Variants in WDTC1 observed in about 807,000 individuals in gnomAD.
WDTC1 encodes the protein WD and tetratricopeptide repeats protein 1.
A neutral mutation model predicts 76.0 loss-of-function variants in WDTC1; 12 were observed. That is an observed-to-expected ratio of 0.16 (90% CI 0.10 to 0.26). The LOEUF (loss-of-function observed/expected upper bound fraction) is 0.26, where lower values mean the gene tolerates loss of function less well. WDTC1 is among the 10% of genes least tolerant of loss of function. WDTC1 has a pLI of 1.00. For synonymous variants in WDTC1, 326 were observed against 350.8 expected (o/e 0.93, Z 0.79); for missense variants, 511 against 908.8 (o/e 0.56, Z 5.63).
Position 27,260,995 on chromosome 1 carries a change from A to T in WDTC1, c.-60A>T, listed in dbSNP as rs2012460631. ...ATTTTGTGGACCTGGGCTTGGCTGGAATGCTCAGGGGTCCTGAAGATCCTA... is the reference window on the plus strand; with the variant it reads ...ATTTTGTGGACCTGGGCTTGGCTGGTATGCTCAGGGGTCCTGAAGATCCTA... On this transcript the variant is annotated 5_prime_UTR_variant, in exon 2 of 16. Coordinates refer to ENST00000319394, the MANE Select transcript of WDTC1 (RefSeq NM_001276252.2). 1 of 1,581,160 alleles carries T rather than the reference A, an allele frequency of 6.3e-7. No homozygotes were observed. Among genetic ancestry groups the T allele is most frequent in the Non-Finnish European group, 8.6e-7 (1 of 1,156,824 alleles).
chr1:27,296,950 GA>G (rs2013708853), intron 10 of WDTC1, 97 bp from the exon 11 acceptor site: 2 of 1,050,764 alleles, frequency 1.9e-6, no homozygotes, highest in Non-Finnish European at 2.9e-6. Flanking sequence ...TCCCACGATG[GA>G]ACCATCAGAC....
At position 27,305,922 on chromosome 1, in the gene WDTC1, C is replaced by T. The variant is rs570584145; in HGVS notation, c.1837-264C>T. On this transcript the variant is annotated intron_variant, in intron 15 of 15. Transcript: ENST00000319394. This position sits in a 1 kb window ranked among gnomAD's most constrained non-coding sequence, Gnocchi z 4.6. ...TCCAACATATCCTGGTGTGTACTGT[C>T]CCCCACGTATATCCCAGCATGTTAT... 2.0e-4 allele frequency among the ~76,000 whole-genome samples: 31 copies of T among 152,136 alleles called. No individual in the cohort carries two copies. The highest frequency in any genetic ancestry group is 7.5e-4 in the African/African-American group (31 of 41,502).
At chr1:27,299,825 G>A (rs1208582963) in intron 12 of WDTC1, among the ~76,000 whole-genome samples, 1 of 152,084 alleles carries the variant, frequency 6.6e-6, no homozygotes, top group African/African-American at 2.4e-5. Context: ...GGGCCAGCCT[G>A]CTCTCTACCC....
At chr1:27,304,970 C>G in intron 14 of WDTC1, 31 bp from the exon 15 acceptor site, 4 of 1,594,908 alleles carry the variant, frequency 2.5e-6, no homozygotes, top group Non-Finnish European at 3.4e-6. Flanking sequence ...AGTACCCCAC[C>G]TGACCTCCCT....
Position 27,303,947 on chromosome 1 carries a change from A to AAAAGTCATCCATTCTCTCTTT in WDTC1, c.1643+152_1643+153insAAAGTCATCCATTCTCTCTTT. The AAAAGTCATCCATTCTCTCTTT allele has an allele frequency of 9.5e-7, 1 of 1,053,404 alleles. No individual in the cohort carries two copies. The allele number at this position is 1,053,404 out of a possible 1,614,324, so 65.3% of individuals were successfully genotyped here. Reference sequence around the variant, plus strand: ...TGGCTTCACCTTTGTCAGCCTCTAAAGTTTTTTAATCTATGAAATGACCAA... The same window carrying AAAAGTCATCCATTCTCTCTTT: ...TGGCTTCACCTTTGTCAGCCTCTAAAAAAGTCATCCATTCTCTCTTTGTTTTTTAATCTATGAAATGACCAA... On this transcript the variant is annotated intron_variant, in intron 14 of 15. Coordinates refer to ENST00000319394, the MANE Select transcript of WDTC1 (RefSeq NM_001276252.2). The surrounding 1 kb of genome is among the most constrained non-coding windows in gnomAD (Gnocchi z 4.8).
Position 27,263,217 on chromosome 1 carries a change from C to G in WDTC1, c.114C>G (p.Gly38=), listed in dbSNP as rs368577351. 7 of 1,613,246 alleles carry G rather than the reference C, an allele frequency of 4.3e-6. No individual in the cohort carries two copies. The East Asian group carries it at 1.3e-4, about 31-fold the overall frequency. ...HVTDPFIRRL[G]LEAELQGHSG... ...CTGACCCCTTTATCCGGCGGCTGGG[C>G]CTGGAAGCAGAGCTGCAGGTAAGAG... The change falls in exon 3 of 16, where the codon GGC becomes GGG. Residue 38 remains glycine (G), a synonymous_variant. Transcript: ENST00000319394.
rs186786480 is a variant in WDTC1, at chr1:27,279,252, G to T, written c.133-2987G>T. ...AATAATTGTTAAAAGATTGAATTAA[G>T]GCCGGACACAGTGGCTCACGCATGT... is the stretch of plus-strand genomic sequence containing the variant. On this transcript the variant is annotated intron_variant, in intron 3 of 15. Transcript: ENST00000319394. Among the ~76,000 whole-genome samples, 3 of 152,150 alleles carry T rather than the reference G, an allele frequency of 2.0e-5. 1 individual carries two copies. Among genetic ancestry groups the T allele is most frequent in the South Asian group, 4.2e-4 (2 of 4,816 alleles).
intron 1 of WDTC1, among the ~76,000 whole-genome samples, chr1:27,250,700 G>A (rs1031017628): frequency 6.6e-6 from 1 of 151,950 alleles, no homozygotes; most frequent in Non-Finnish European, 1.5e-5. Context: ...TGAAAGGAGT[G>A]GTTCTTCATA....
chr1:27,238,632 C>G (rs535117244), intron 1 of WDTC1, among the ~76,000 whole-genome samples: 10 of 152,098 alleles, frequency 6.6e-5, no homozygotes, highest in African/African-American at 2.2e-4. Flanking sequence ...GTGGCATGAT[C>G]TCGGCTCACT....
chr1:27,273,820 C>CGTGTGT (rs138243935), intron 3 of WDTC1, among the ~76,000 whole-genome samples: 34 of 148,124 alleles, frequency 2.3e-4, no homozygotes, highest in African/African-American at 6.2e-4. Context: ...GTACTTTACA[C>CGTGTGT]GTGTGTGTGT....
chr1:27,242,491 C>A (rs1049683537), intron 1 of WDTC1, among the ~76,000 whole-genome samples: 1 of 150,984 alleles, frequency 6.6e-6, no homozygotes, highest in Admixed American at 6.6e-5. Context: ...GAGACGGAGA[C>A]GGAGTTTCGC....
At chr1:27,260,893 A>G in intron 1 of WDTC1, 63 bp from the exon 2 acceptor site, 1 of 768,100 alleles carries the variant, frequency 1.3e-6, no homozygotes, top group East Asian at 2.7e-5. Context: ...TTAGGGGTGG[A>G]ATTAGGTCTT....
chr1:27,257,020 G>T (rs889037931), intron 1 of WDTC1, among the ~76,000 whole-genome samples: 1 of 151,834 alleles, frequency 6.6e-6, no homozygotes, highest in Non-Finnish European at 1.5e-5. Context: ...CTGCCACCAC[G>T]CCCGGCTAAT....
chr1:27,285,841 G>A lies in WDTC1; in HGVS notation c.292-1833G>A, dbSNP rs562117483. On this transcript the variant is annotated intron_variant, in intron 5 of 15. Coordinates refer to ENST00000319394, the MANE Select transcript of WDTC1 (RefSeq NM_001276252.2). The stretch of plus-strand genomic sequence containing the variant: ...GACCTCAGGTGATCCACCTGCCTCC[G>A]CCTCCCAAAGTGCTGGGATTACAGG... Among the ~76,000 whole-genome samples, 128 of 151,878 alleles carry A rather than the reference G, an allele frequency of 8.4e-4. 2 individuals carry two copies. The South Asian group carries it at 0.012, about 14-fold the overall frequency.
chr1:27,245,343 GC>G (rs1462681388), intron 1 of WDTC1, among the ~76,000 whole-genome samples: 6 of 151,742 alleles, frequency 4.0e-5, no homozygotes, highest in Admixed American at 3.9e-4. Context: ...ATTTATTGGT[GC>G]CTGCTAAGCT....
chr1:27,252,430 C>T (rs2012100554), intron 1 of WDTC1, among the ~76,000 whole-genome samples: 1 of 152,106 alleles, frequency 6.6e-6, no homozygotes, highest in Non-Finnish European at 1.5e-5. Context: ...ATTCTGCAGA[C>T]AAATGAGCCA....
At chr1:27,247,452 A>G (rs2011880692) in intron 1 of WDTC1, among the ~76,000 whole-genome samples, 1 of 151,888 alleles carries the variant, frequency 6.6e-6, no homozygotes, top group Non-Finnish European at 1.5e-5. Flanking sequence ...CTCAATAGTT[A>G]TTTTTTCTGA....
At chr1:27,283,534 T>C in intron 5 of WDTC1, 85 bp downstream of exon 5, 2 of 1,249,106 alleles carry the variant, frequency 1.6e-6, no homozygotes, top group Non-Finnish European at 2.3e-6. Flanking sequence ...TGTTGGTATG[T>C]GTGTGTCCCA....
Position 27,306,361 on chromosome 1 carries a change from A to G in WDTC1, c.2012A>G (p.Gln671Arg). The G allele has an allele frequency of 6.2e-7, 1 of 1,613,126 alleles. No homozygotes were observed. Among genetic ancestry groups the G allele is most frequent in the South Asian group, 1.1e-5 (1 of 91,076 alleles). Residue 671 changes from glutamine to arginine, a missense_variant, in exon 16 of 16, where the codon CAG (glutamine) becomes CGG (arginine). Coordinates refer to ENST00000319394, the MANE Select transcript of WDTC1 (RefSeq NM_001276252.2). The surrounding 1 kb of genome is among the most constrained non-coding windows in gnomAD (Gnocchi z 5.0). ...ASDDEDSSEG[Q>R]VQCRPS is the part of the protein sequence containing the mutation. ...GATGATGAGGACAGCTCTGAGGGCCAGGTGCAGTGCCGGCCCAGCTAGACC... is the reference window on the plus strand; with the variant it reads ...GATGATGAGGACAGCTCTGAGGGCCGGGTGCAGTGCCGGCCCAGCTAGACC...
Sources: gnomAD v4.1 joint callset for allele counts (sites outside exome capture counted in the v4.1 genomes callset) on GRCh38, gnomAD v4.1.1 for gene constraint, Gnocchi (gnomAD v3.1) non-coding constraint, MANE v1.5 for transcripts, NCBI Gene and HGNC (gene_info 2026-07-23, HGNC 2026-07-21) for gene names.